OSBPL6: variants seen among roughly 807,000 people sequenced by gnomAD.
The protein encoded by OSBPL6 is oxysterol binding protein like 6, also known as oxysterol-binding protein-related protein 6.
In OSBPL6, 49 loss-of-function variants were observed where a neutral mutation model predicts 125.8. The ratio of observed to expected loss-of-function variants is 0.39; its 90% CI spans 0.31 to 0.49. The LOEUF (loss-of-function observed/expected upper bound fraction) is 0.49. OSBPL6 is among the 20% of genes least tolerant of loss of function. The probability of loss-of-function intolerance (pLI) is 0.88; values close to 1 mark genes in which losing one functional copy is unlikely to be tolerated. For synonymous variants in OSBPL6, 394 were observed against 391.8 expected (o/e 1.01, Z -0.07); for missense variants, 986 against 1,135.4 (o/e 0.87, Z 1.89).
chr2:178,352,212 G>A (rs753640572), intron 12 of OSBPL6, among the ~76,000 whole-genome samples: 5 of 152,184 alleles, frequency 3.3e-5, no homozygotes, highest in African/African-American at 7.2e-5. Flanking sequence ...ACTGAGGTAC[G>A]TGGTTCATCT....
chr2:178,277,539 G>A (rs1013887373), intron 1 of OSBPL6, among the ~76,000 whole-genome samples: 9 of 152,160 alleles, frequency 5.9e-5, no homozygotes, highest in Non-Finnish European at 2.9e-5. Context: ...TGAAAAAATT[G>A]GCTAAATGGT....
At chr2:178,359,571 G>A (rs1032236456) in intron 12 of OSBPL6, among the ~76,000 whole-genome samples, 20 of 152,092 alleles carry the variant, frequency 1.3e-4, no homozygotes, top group African/African-American at 4.3e-4. Flanking sequence ...TACAGGAAAC[G>A]AAATCACCCT....
chr2:178,399,951 C>G lies in OSBPL6; in HGVS notation c.*4392C>G, dbSNP rs1452288874. 6.6e-6 allele frequency: 1 copy of G among 152,144 alleles called. No individual in the cohort carries two copies. The highest frequency in any genetic ancestry group is 1.9e-4 in the East Asian group (1 of 5,178). The allele number at this position is 152,144 out of a possible 1,614,324, so 9.4% of individuals were successfully genotyped here. A position where few individuals can be genotyped will look rare whatever the true frequency, so the allele number is the denominator to read the frequency against. ...AAATTGGTAAGAAAAAAACATAAAA[C>G]AAAAATGTTCTTATTTTCTGCAATT... On this transcript the variant is annotated 3_prime_UTR_variant, in exon 25 of 25. Transcript: ENST00000190611.
chr2:178,382,457 A>G lies in OSBPL6; in HGVS notation c.1571A>G (p.Asp524Gly). The change falls in exon 16 of 25, where the codon GAT becomes GGT. Residue 524 changes from aspartate to glycine, a missense_variant. By Grantham distance (94) the Asp-to-Gly change is moderately conservative. This residue lies in a region of OSBPL6 where 843 missense variants were observed against 997.3 expected (regional missense o/e 0.85). Coordinates refer to ENST00000190611, the MANE Select transcript of OSBPL6 (RefSeq NM_032523.4). The part of the protein sequence containing the change: ...DDESYISDVS[D>G]NISEDNTSVA... ...GAGTCTTACATCAGTGATGTGAGTG[A>G]TAATATATCTGAAGACAACACCAGT... is the stretch of plus-strand genomic sequence containing the variant. The G allele has an allele frequency of 1.2e-6, 2 of 1,613,834 alleles. No homozygotes were observed. Among genetic ancestry groups the G allele is most frequent in the Non-Finnish European group, 1.7e-6 (2 of 1,179,862 alleles).
intron 13 of OSBPL6, among the ~76,000 whole-genome samples, chr2:178,367,998 C>T (rs573017818): frequency 1.3e-5 from 2 of 152,246 alleles, no homozygotes; most frequent in African/African-American, 4.8e-5. Flanking sequence ...TTGCTTATGC[C>T]ACTGCTCACT....
intron 1 of OSBPL6, among the ~76,000 whole-genome samples, chr2:178,205,649 A>G (rs1020084225): frequency 6.6e-5 from 10 of 152,228 alleles, no homozygotes; most frequent in Admixed American, 6.5e-4. Flanking sequence ...GCAGAGGACA[A>G]AAAATCAAGC....
At chr2:178,213,580 A>G (rs1559122505) in intron 1 of OSBPL6, among the ~76,000 whole-genome samples, 1 of 152,014 alleles carries the variant, frequency 6.6e-6, no homozygotes, top group African/African-American at 2.4e-5. Context: ...CATCAATCCA[A>G]TTTGCTTCCT....
At chr2:178,302,131 C>T (rs960772783) in intron 2 of OSBPL6, among the ~76,000 whole-genome samples, 2 of 152,202 alleles carry the variant, frequency 1.3e-5, no homozygotes, top group African/African-American at 4.8e-5. Context: ...TTAATTAGGT[C>T]CCTGGGTCAT....
chr2:178,243,400 C>T (rs991273270), intron 1 of OSBPL6, among the ~76,000 whole-genome samples: 19 of 152,278 alleles, frequency 1.2e-4, no homozygotes, highest in Admixed American at 8.5e-4. Context: ...ATCTTTTGAT[C>T]CCCTACTTGC....
intron 12 of OSBPL6, among the ~76,000 whole-genome samples, chr2:178,360,431 C>G (rs573125699): frequency 1.3e-5 from 2 of 152,092 alleles, no homozygotes; most frequent in South Asian, 2.1e-4. Flanking sequence ...CCACAGTAAC[C>G]GTTTTATTAC....
chr2:178,194,007 GCC>G (rs995379376), upstream of OSBPL6, among the ~76,000 whole-genome samples: 2 of 152,248 alleles, frequency 1.3e-5, no homozygotes, highest in African/African-American at 4.8e-5. Context: ...CCGAGCGGAG[GCC>G]GCCAGGCAGC....
chr2:178,370,483 A>G (rs1453216900), intron 13 of OSBPL6, among the ~76,000 whole-genome samples: 1 of 152,150 alleles, frequency 6.6e-6, no homozygotes, highest in East Asian at 1.9e-4. Flanking sequence ...GGTACTCACA[A>G]TAGATAAGAG....
intron 1 of OSBPL6, among the ~76,000 whole-genome samples, chr2:178,220,050 G>A (rs1192548662): frequency 6.6e-6 from 1 of 152,202 alleles, no homozygotes; most frequent in Non-Finnish European, 1.5e-5. Context: ...ATGTCATGCT[G>A]TAGGTCTAAA....
intron 1 of OSBPL6, among the ~76,000 whole-genome samples, chr2:178,235,516 C>T (rs1248328311): frequency 6.7e-6 from 1 of 148,950 alleles, no homozygotes; most frequent in African/African-American, 2.5e-5. Flanking sequence ...AAGCAATTCT[C>T]CTGCCTCAGC....
chr2:178,329,417 A>ATTTTTT (rs199952604), intron 5 of OSBPL6, among the ~76,000 whole-genome samples: 1 of 139,526 alleles, frequency 7.2e-6, no homozygotes, highest in Non-Finnish European at 1.6e-5. Flanking sequence ...TTATTTACTT[A>ATTTTTT]TTTTTTTTTT....
At chr2:178,321,005 A>G (rs1280192583) in intron 3 of OSBPL6, among the ~76,000 whole-genome samples, 1 of 152,070 alleles carries the variant, frequency 6.6e-6, no homozygotes, top group Non-Finnish European at 1.5e-5. Flanking sequence ...TAAAAATACA[A>G]CCGGGCGTGG....
chr2:178,306,246 G>A lies in OSBPL6; in HGVS notation c.62G>A (p.Ser21Asn), dbSNP rs151032698. The change falls in exon 3 of 25, where the codon AGT becomes AAT. Residue 21 changes from serine to asparagine, a missense_variant. Physicochemically the swap from Ser to Asn is conservative, Grantham distance 46. Transcript: ENST00000190611. ...AHKTSTPTHR[S>N]ASSSTSSQRD... ...AAAACATCCACTCCAACCCATAGAA[G>A]TGCCTCCTCTTCAACATCCTCCCAA... The A allele has an allele frequency of 6.8e-6, 11 of 1,613,772 alleles. No individual in the cohort carries two copies. The African/African-American group carries it at 1.3e-4, about 20-fold the overall frequency.
chr2:178,322,427 A>G (rs1028869115), intron 3 of OSBPL6, among the ~76,000 whole-genome samples: 3 of 152,176 alleles, frequency 2.0e-5, no homozygotes, highest in African/African-American at 7.2e-5. Context: ...AAGAAGTCCT[A>G]ACCATGATTT....
chr2:178,242,172 A>G (rs548294955), intron 1 of OSBPL6, among the ~76,000 whole-genome samples: 2 of 152,362 alleles, frequency 1.3e-5, no homozygotes, highest in East Asian at 1.9e-4. Context: ...TGATGTGGAA[A>G]GTATGTACTC....
Sources: gnomAD v4.1 joint callset for allele counts (sites outside exome capture counted in the v4.1 genomes callset) on GRCh38, gnomAD v4.1.1 for gene constraint, gnomAD v4.1.1 regional missense constraint, MANE v1.5 for transcripts, NCBI Gene and HGNC (gene_info 2026-07-23, HGNC 2026-07-21) for gene names.